The following ZNF304 variants were observed in gnomAD, a reference collection of about 807,000 sequenced individuals.
ZNF304 encodes the protein KRAB-containing zinc finger protein.
A neutral mutation model predicts 7.8 loss-of-function variants in ZNF304; 7 were observed. The ratio of observed to expected loss-of-function variants is 0.90; its 90% CI spans 0.51 to 1.69. The LOEUF (loss-of-function observed/expected upper bound fraction) is 1.69, where lower values mean the gene tolerates loss of function less well. Among genes scored for constraint, ZNF304 ranks in the 40% most tolerant of loss-of-function variants. The pLI is 0.00. For synonymous variants in ZNF304, 280 were observed against 272.4 expected (o/e 1.03, Z -0.27); for missense variants, 669 against 804.8 (o/e 0.83, Z 2.04).
rs1017590498 is a variant in ZNF304 at position 57,351,558 on chromosome 19, G to C, written c.-107G>C. 2.2e-6 allele frequency: 3 copies of C among 1,389,734 alleles called. No individual in the cohort carries two copies. Among genetic ancestry groups the C allele is most frequent in the South Asian group, 1.2e-5 (1 of 86,390 alleles). 86.1% of individuals were successfully genotyped at this position (1,389,734 alleles called of 1,614,324 possible). On this transcript the variant is annotated 5_prime_UTR_variant, in exon 1 of 3. Coordinates refer to ENST00000282286, the MANE Select transcript of ZNF304 (RefSeq NM_020657.4). The surrounding 1 kb of genome is among the most constrained non-coding windows in gnomAD (Gnocchi z 4.1). ...TAGTCTTGTGAGCGTTTTTACACCGGGTAGATTGAGACTTGGAGTGCTACA... is the reference window on the plus strand; with the variant it reads ...TAGTCTTGTGAGCGTTTTTACACCGCGTAGATTGAGACTTGGAGTGCTACA...
rs1827428807 is a variant in ZNF304 at position 57,357,931 on chromosome 19, G to C, written c.*82G>C. 1 of 1,496,354 alleles carries C rather than the reference G, an allele frequency of 6.7e-7. No homozygotes were observed. The highest frequency in any genetic ancestry group is 8.9e-7 in the Non-Finnish European group (1 of 1,119,380). The allele number at this position is 1,496,354 out of a possible 1,614,324, so 92.7% of individuals were successfully genotyped here. ...GTTCATCCTCATAGGACTCACACCA[G>C]AGCAATGCTCTGTGAGTACCCTTTG... On this transcript the variant is annotated 3_prime_UTR_variant, in exon 3 of 3. Coordinates refer to ENST00000282286, the MANE Select transcript of ZNF304 (RefSeq NM_020657.4).
chr19:57,355,839 C>G (rs141329126), intron 2 of ZNF304, among the ~76,000 whole-genome samples, 191 bp from the exon 3 acceptor site: 1 of 152,314 alleles, frequency 6.6e-6, no homozygotes, highest in East Asian at 1.9e-4. Flanking sequence ...TAGGTCTTTA[C>G]CTCATAGTCA....
chr19:57,358,989 T>C lies in ZNF304; in HGVS notation c.*1140T>C, dbSNP rs2088387276. 6.6e-6 allele frequency: 1 copy of C among 151,580 alleles called. No homozygotes were observed. The highest frequency in any genetic ancestry group is 1.5e-5 in the Non-Finnish European group (1 of 67,938). The allele number at this position is 151,580 out of a possible 1,614,324, so 9.4% of individuals were successfully genotyped here. A position where few individuals can be genotyped will look rare whatever the true frequency, so the allele number is the denominator to read the frequency against. Reference sequence around the variant, plus strand: ...CTACAGAAGCACTGAGATAATGGAGTGGGGATGACTGTGGCAAACAAAAGG... The same window carrying C: ...CTACAGAAGCACTGAGATAATGGAGCGGGGATGACTGTGGCAAACAAAAGG... On this transcript the variant is annotated 3_prime_UTR_variant, in exon 3 of 3. Coordinates refer to ENST00000282286, the MANE Select transcript of ZNF304 (RefSeq NM_020657.4).
In ZNF304 at chr19:57,356,258, C is replaced by T. The variant is rs374987926; in HGVS notation, c.389C>T (p.Ala130Val). Residue 130 changes from alanine (A) to valine (V), a missense_variant, in exon 3 of 3, where the codon GCA (alanine) becomes GTA (valine). Transcript: ENST00000282286. Reference protein sequence around the residue: ...GLCRRRFSFSANFYQHQKQHN... With the variant: ...GLCRRRFSFSVNFYQHQKQHN... ...TGTAGGAGAAGATTCTCGTTCAGTG[C>T]AAACTTTTACCAGCACCAGAAGCAA... The T allele has an allele frequency of 5.0e-6, 8 of 1,614,056 alleles. No individual in the cohort carries two copies. The African/African-American group carries it at 1.1e-4, about 22-fold the overall frequency.
Position 57,357,861 on chromosome 19 carries a change from TCACAC to T in ZNF304, c.*13_*17del. 1.9e-6 allele frequency: 3 copies of T among 1,577,656 alleles called. No individual in the cohort carries two copies. In the South Asian group the frequency reaches 3.6e-5, roughly 19 times the overall value. On this transcript the variant is annotated 3_prime_UTR_variant, in exon 3 of 3. Transcript: ENST00000282286. ...TTAAACTTGTTTAACACCAGAAAATTCACACAAGAGAAAGGCCTTATGAATGCAGA... is the reference window on the plus strand; with the variant it reads ...TTAAACTTGTTTAACACCAGAAAATTAAGAGAAAGGCCTTATGAATGCAGA...
At position 57,353,791 on chromosome 19, in the gene ZNF304, G is replaced by A; in HGVS notation, c.100G>A (p.Ala34Thr). ...SREEWELLEE[A>T]QRFLYRDVML... is the part of the protein sequence containing the mutation. ...GGAGGAGTGGGAACTCCTTGAGGAG[G>A]CACAGAGATTCCTGTACCGTGATGT... is the stretch of plus-strand genomic sequence containing the variant. The change falls in exon 2 of 3, where the codon GCA (alanine) becomes ACA (threonine). Residue 34 changes from alanine to threonine, a missense_variant. By Grantham distance (58) the Ala-to-Thr change is moderately conservative (BLOSUM62 0). Coordinates refer to ENST00000282286, the MANE Select transcript of ZNF304 (RefSeq NM_020657.4). The A allele has an allele frequency of 6.2e-7, 1 of 1,613,682 alleles. No individual in the cohort carries two copies. The highest frequency in any genetic ancestry group is 1.1e-5 in the South Asian group (1 of 91,030).
chr19:57,354,764 AC>A lies in ZNF304; in HGVS notation c.160+916del, dbSNP rs747520471. The stretch of plus-strand genomic sequence containing the variant: ...GAGGCTGTGTTCCACAGGCCTTTAC[AC>A]CCACTCCGGTGTCCTTGGTGGGGTT... On this transcript the variant is annotated intron_variant, in intron 2 of 2. Coordinates refer to ENST00000282286, the MANE Select transcript of ZNF304 (RefSeq NM_020657.4). Among the ~76,000 whole-genome samples the A allele has an allele frequency of 2.0e-5, 3 of 152,120 alleles. No homozygotes were observed. In the South Asian group the frequency reaches 6.2e-4, roughly 32 times the overall value.
chr19:57,357,814 G>T lies in ZNF304; in HGVS notation c.1945G>T (p.Gly649Cys). ...GERAHECNSF[G>C]GPLAASLKLV is the part of the protein sequence containing the mutation. Reference sequence around the variant, plus strand: ...AAGAGCTCACGAGTGCAACAGTTTTGGTGGCCCTTTAGCTGCATCTCTTAA... The same window carrying T: ...AAGAGCTCACGAGTGCAACAGTTTTTGTGGCCCTTTAGCTGCATCTCTTAA... The change falls in exon 3 of 3, where the codon GGT (glycine) becomes TGT (cysteine). Residue 649 changes from glycine (G) to cysteine (C), a missense_variant. By Grantham distance (159) the Gly-to-Cys change is radical. Coordinates refer to ENST00000282286, the MANE Select transcript of ZNF304 (RefSeq NM_020657.4). The T allele has an allele frequency of 1.2e-6, 2 of 1,609,744 alleles. No homozygotes were observed.
In ZNF304 at chr19:57,356,663, C is replaced by T; in HGVS notation, c.794C>T (p.Ala265Val). The change falls in exon 3 of 3, where the codon GCT becomes GTT. Residue 265 changes from alanine (A) to valine (V), a missense_variant. Ala to Val is a moderately conservative substitution (Grantham distance 64). Coordinates refer to ENST00000282286, the MANE Select transcript of ZNF304 (RefSeq NM_020657.4). ...GGAAATGTGTTCAAGGAGAAATCAG[C>T]TCTTATTAATCACAGAAAAATCCAC... ...PCGNVFKEKS[A>V]LINHRKIHSG... The T allele has an allele frequency of 6.2e-7, 1 of 1,614,226 alleles. No individual in the cohort carries two copies. The highest frequency in any genetic ancestry group is 1.3e-5 in the African/African-American group (1 of 75,042).
In ZNF304 at chr19:57,357,038, C is replaced by T. The variant is rs773173009; in HGVS notation, c.1169C>T (p.Pro390Leu). 11 of 1,614,076 alleles carry T rather than the reference C, an allele frequency of 6.8e-6. No individual in the cohort carries two copies. The highest frequency in any genetic ancestry group is 8.5e-6 in the Non-Finnish European group (10 of 1,180,034). ...QHQRFHTGERPYECSECGKFF... is the reference protein window; with the variant it reads ...QHQRFHTGERLYECSECGKFF... ...CAGAGATTTCATACTGGAGAAAGGCCTTATGAGTGCAGTGAATGTGGAAAA... is the reference window on the plus strand; with the variant it reads ...CAGAGATTTCATACTGGAGAAAGGCTTTATGAGTGCAGTGAATGTGGAAAA... Residue 390 changes from proline to leucine, a missense_variant, in exon 3 of 3, where the codon CCT becomes CTT. Transcript: ENST00000282286.
At position 57,351,639 on chromosome 19, in the gene ZNF304, G is replaced by A. The variant is rs1211080920; in HGVS notation, c.-26G>A. The stretch of plus-strand genomic sequence containing the variant: ...GCGTGGGGTTTCGGCTGAGCCCACA[G>A]GGCACAGACTGTTCATCCGCTTCTC... On this transcript the variant is annotated 5_prime_UTR_variant, in exon 1 of 3. Coordinates refer to ENST00000282286, the MANE Select transcript of ZNF304 (RefSeq NM_020657.4). This position sits in a 1 kb window ranked among gnomAD's most constrained non-coding sequence, Gnocchi z 4.1. 6.2e-7 allele frequency: 1 copy of A among 1,613,290 alleles called. No homozygotes were observed. The highest frequency in any genetic ancestry group is 1.3e-5 in the African/African-American group (1 of 74,932).
In ZNF304 at chr19:57,356,180, T is replaced by C; in HGVS notation, c.311T>C (p.Leu104Pro). The C allele has an allele frequency of 6.2e-7, 1 of 1,614,250 alleles. No individual in the cohort carries two copies. Among genetic ancestry groups the C allele is most frequent in the Non-Finnish European group, 8.5e-7 (1 of 1,180,036 alleles). The change falls in exon 3 of 3, where the codon CTG becomes CCG. Residue 104 changes from leucine (L) to proline (P), a missense_variant. Physicochemically the swap from Leu to Pro is moderately conservative, Grantham distance 98. Coordinates refer to ENST00000282286, the MANE Select transcript of ZNF304 (RefSeq NM_020657.4). ...CDPLLKDILH[L>P]AEHQGSHLTQ... The stretch of plus-strand genomic sequence containing the variant: ...CCACTCTTGAAAGACATTTTGCACC[T>C]GGCTGAACACCAGGGATCACACCTT...
chr19:57,356,500 A>C lies in ZNF304; in HGVS notation c.631A>C (p.Arg211=). 1 of 1,614,196 alleles carries C rather than the reference A, an allele frequency of 6.2e-7. No homozygotes were observed. Among genetic ancestry groups the C allele is most frequent in the East Asian group, 2.2e-5 (1 of 44,892 alleles). The change falls in exon 3 of 3, where the codon AGG becomes CGG. Residue 211 remains arginine (R), a synonymous_variant. Transcript: ENST00000282286. ...GTCTTTCCCACACAGCTCCAGTCTCAGGCAACACCAAGGAGACTATGATGG... is the reference window on the plus strand; with the variant it reads ...GTCTTTCCCACACAGCTCCAGTCTCCGGCAACACCAAGGAGACTATGATGG... The part of the protein sequence containing the change: ...MESFPHSSSL[R]QHQGDYDGQM...
rs2088365244 is a variant in ZNF304, at chr19:57,357,676, A to G, written c.1807A>G (p.Ile603Val). 2 of 1,614,028 alleles carry G rather than the reference A, an allele frequency of 1.2e-6. No homozygotes were observed. Among genetic ancestry groups the G allele is most frequent in the Non-Finnish European group, 1.7e-6 (2 of 1,180,022 alleles). ...GKFFSRNSGLILHQRVHTGEK... is the reference protein window; with the variant it reads ...GKFFSRNSGLVLHQRVHTGEK... ...ATTCTTTAGCCGCAACTCTGGCCTC[A>G]TTCTGCACCAGAGGGTTCACACTGG... Residue 603 changes from isoleucine (I) to valine (V), a missense_variant, in exon 3 of 3, where the codon ATT becomes GTT. Ile to Val is a conservative substitution (Grantham distance 29). Transcript: ENST00000282286.
chr19:57,351,540 G>A lies in ZNF304; in HGVS notation c.-125G>A. 8.2e-7 allele frequency: 1 copy of A among 1,226,756 alleles called. No homozygotes were observed. Among genetic ancestry groups the A allele is most frequent in the Admixed American group, 1.8e-5 (1 of 56,962 alleles). 76.0% of individuals were successfully genotyped at this position (1,226,756 alleles called of 1,614,324 possible). ...CCCCAGAAGCAGCCGCCTTAGTCTT[G>A]TGAGCGTTTTTACACCGGGTAGATT... On this transcript the variant is annotated 5_prime_UTR_variant, in exon 1 of 3. It adds an upstream start codon to the 5' untranslated region. Transcript: ENST00000282286. This position sits in a 1 kb window ranked among gnomAD's most constrained non-coding sequence, Gnocchi z 4.1.
chr19:57,353,061 G>T (rs2088294384), intron 1 of ZNF304, among the ~76,000 whole-genome samples: 1 of 152,208 alleles, frequency 6.6e-6, no homozygotes, highest in South Asian at 2.1e-4. Context: ...GGTGGCCAGT[G>T]TGTGGAGTGG....
At position 57,357,679 on chromosome 19, in the gene ZNF304, C is replaced by T; in HGVS notation, c.1810C>T (p.Leu604=). Residue 604 remains leucine (L), a synonymous_variant, in exon 3 of 3, where the codon CTG becomes TTG. Coordinates refer to ENST00000282286, the MANE Select transcript of ZNF304 (RefSeq NM_020657.4). ...KFFSRNSGLI[L]HQRVHTGEKP... ...CTTTAGCCGCAACTCTGGCCTCATT[C>T]TGCACCAGAGGGTTCACACTGGAGA... 6.2e-7 allele frequency: 1 copy of T among 1,614,130 alleles called. No homozygotes were observed. The highest frequency in any genetic ancestry group is 8.5e-7 in the Non-Finnish European group (1 of 1,180,002).
At position 57,356,481 on chromosome 19, in the gene ZNF304, C is replaced by A. The variant is rs748108554; in HGVS notation, c.612C>A (p.Phe204Leu). The change falls in exon 3 of 3, where the codon TTC (phenylalanine) becomes TTA (leucine). Residue 204 changes from phenylalanine (F) to leucine (L), a missense_variant. Phe to Leu is a conservative substitution (Grantham distance 22). Coordinates refer to ENST00000282286, the MANE Select transcript of ZNF304 (RefSeq NM_020657.4). Reference sequence around the variant, plus strand: ...GAAGGACTGAATGCATGGAGTCTTTCCCACACAGCTCCAGTCTCAGGCAAC... The same window carrying A: ...GAAGGACTGAATGCATGGAGTCTTTACCACACAGCTCCAGTCTCAGGCAAC... ...PCRRTECMES[F>L]PHSSSLRQHQ... 1 of 1,613,998 alleles carries A rather than the reference C, an allele frequency of 6.2e-7. No homozygotes were observed. Among genetic ancestry groups the A allele is most frequent in the African/African-American group, 1.3e-5 (1 of 74,880 alleles).
At position 57,357,603 on chromosome 19, in the gene ZNF304, G is replaced by A. The variant is rs2088363857; in HGVS notation, c.1734G>A (p.Lys578=). 1.2e-6 allele frequency: 2 copies of A among 1,614,104 alleles called. No individual in the cohort carries two copies. The highest frequency in any genetic ancestry group is 1.1e-5 in the South Asian group (1 of 91,086). The part of the protein sequence containing the change: ...YISSSHLVQH[K]KVHTGARPYE... ...GTAGCTCCCACCTTGTTCAACACAAGAAAGTTCACACTGGAGCAAGACCTT... is the reference window on the plus strand; with the variant it reads ...GTAGCTCCCACCTTGTTCAACACAAAAAAGTTCACACTGGAGCAAGACCTT... Residue 578 remains lysine (K), a synonymous_variant, in exon 3 of 3, where the codon AAG becomes AAA. Transcript: ENST00000282286.
Sources: gnomAD v4.1 joint callset for allele counts (sites outside exome capture counted in the v4.1 genomes callset) on GRCh38, gnomAD v4.1.1 for gene constraint, Gnocchi (gnomAD v3.1) non-coding constraint, MANE v1.5 for transcripts, NCBI Gene and HGNC (gene_info 2026-07-23, HGNC 2026-07-21) for gene names.